Variants in ZNF346 observed in about 807,000 individuals in gnomAD.
The protein encoded by ZNF346 is double-stranded RNA-binding zinc finger protein JAZ.
ZNF346 carries 23 observed loss-of-function variants against 33.7 expected under a neutral mutation model. The observed-to-expected ratio is 0.68, with a 90% CI of 0.49 to 0.97. ZNF346 has a LOEUF of 0.97. Ranked by LOEUF, ZNF346 falls within the 50% of genes least tolerant of loss-of-function variation. The pLI, the probability that ZNF346 is intolerant of heterozygous loss-of-function variation, is 0.00. For missense variants in ZNF346, 340 were observed against 371.1 expected (o/e 0.92, Z 0.69); for synonymous variants, 134 against 142.4 (o/e 0.94, Z 0.42).
chr5:177,080,783 G>A (rs1281752357), exon 9 of ZNF346: 1 of 152,204 alleles, frequency 6.6e-6, no homozygotes, highest in African/African-American at 2.4e-5. Flanking sequence ...ATTCCAGCCT[G>A]AGCGACAGAG....
intron 5 of ZNF346, among the ~76,000 whole-genome samples, chr5:177,061,400 G>A (rs1023899583): frequency 6.6e-5 from 10 of 152,046 alleles, no homozygotes; most frequent in South Asian, 2.1e-4. Flanking sequence ...AGCCAAGATC[G>A]CGCCACTGCA....
At chr5:177,056,140 G>C (rs1315608734) in intron 5 of ZNF346, among the ~76,000 whole-genome samples, 2 of 151,226 alleles carry the variant, frequency 1.3e-5, no homozygotes, top group Non-Finnish European at 2.9e-5. Context: ...AGCTACTCAG[G>C]AGGCTGAGTC....
chr5:177,034,840 T>C (rs1778249883), intron 1 of ZNF346, among the ~76,000 whole-genome samples: 1 of 152,212 alleles, frequency 6.6e-6, no homozygotes, highest in African/African-American at 2.4e-5. Context: ...GCTTCATAGG[T>C]TGAGAGAGAA....
At position 177,077,828 on chromosome 5, in the gene ZNF346, G is replaced by A. The variant is rs1258852423; in HGVS notation, c.*3-1554G>A. Among the ~76,000 whole-genome samples, 1 of 152,134 alleles carries A rather than the reference G, an allele frequency of 6.6e-6. No homozygotes were observed. Among genetic ancestry groups the A allele is most frequent in the Non-Finnish European group, 1.5e-5 (1 of 68,024 alleles). On this transcript the variant is annotated intron_variant, in intron 8 of 8. Transcript: ENST00000503039. The surrounding 1 kb of genome is among the most constrained non-coding windows in gnomAD (Gnocchi z 5.0). ...AAAAGGGTTTTAATGTCCAGTTTAG[G>A]GTGGCCAGGAGGGATCTGAAAGAAA...
At chr5:177,034,030 C>T (rs1281403300) in intron 1 of ZNF346, among the ~76,000 whole-genome samples, 1 of 151,832 alleles carries the variant, frequency 6.6e-6, no homozygotes, top group Non-Finnish European at 1.5e-5. Context: ...AACAAGTGTG[C>T]ACCACCATAC....
chr5:177,023,303 A>G (rs1776159174), intron 1 of ZNF346: 2 of 1,139,468 alleles, frequency 1.8e-6, no homozygotes, highest in African/African-American at 1.5e-5. Flanking sequence ...ATTTCCTCCT[A>G]GGGCCTCTCG....
intron 8 of ZNF346, among the ~76,000 whole-genome samples, chr5:177,074,833 C>T (rs770268644): frequency 4.6e-5 from 7 of 151,888 alleles, no homozygotes; most frequent in African/African-American, 7.3e-5. Context: ...TTTGGGAGGC[C>T]GAGGCGGGCG....
In ZNF346 at chr5:177,023,144, T is replaced by C. The variant is rs576824431; in HGVS notation, c.175+231T>C. 4.6e-6 allele frequency: 7 copies of C among 1,520,978 alleles called. No homozygotes were observed. In the South Asian group the frequency reaches 4.8e-5, roughly 10 times the overall value. 94.2% of individuals were successfully genotyped at this position (1,520,978 alleles called of 1,614,324 possible). A position where few individuals can be genotyped will look rare whatever the true frequency, so the allele number is the denominator to read the frequency against. On this transcript the variant is annotated intron_variant, in intron 1 of 6. Transcript: ENST00000358149. ...GGCCCTGGGTTTTCCTCCTCCTCCT[T>C]CATCATTCACTACAGCGCAGTTTTT...
rs751388311 is a variant in ZNF346 at position 177,050,757 on chromosome 5, A to C, written c.524A>C (p.His175Pro). The change falls in exon 5 of 7, where the codon CAC (histidine) becomes CCC (proline). Residue 175 changes from histidine (H) to proline (P), a missense_variant. Physicochemically the swap from His to Pro is moderately conservative, Grantham distance 77 (BLOSUM62 -2). Coordinates refer to ENST00000358149, the MANE Select transcript of ZNF346 (RefSeq NM_012279.4). The part of the protein sequence containing the change: ...KQQSTKVEAL[H>P]QNREMIDPDK... ...CTTGTGGCCTCCACCTTAGCCTTGCACCAGAATAGAGAGATGATAGACCCA... is the reference window on the plus strand; with the variant it reads ...CTTGTGGCCTCCACCTTAGCCTTGCCCCAGAATAGAGAGATGATAGACCCA... 5.0e-6 allele frequency: 8 copies of C among 1,614,176 alleles called. No homozygotes were observed. The highest frequency in any genetic ancestry group is 6.8e-6 in the Non-Finnish European group (8 of 1,180,036).
intron 8 of ZNF346, among the ~76,000 whole-genome samples, chr5:177,075,374 G>A (rs185792637): frequency 2.0e-5 from 3 of 151,476 alleles, no homozygotes; most frequent in East Asian, 2.0e-4. Context: ...ACTGTACCCC[G>A]GCCTGGGCGA....
chr5:177,044,940 A>G (rs1337823821), intron 4 of ZNF346, among the ~76,000 whole-genome samples: 1 of 152,196 alleles, frequency 6.6e-6, no homozygotes, highest in African/African-American at 2.4e-5. Flanking sequence ...TCACATGCTC[A>G]GGTTATGGCC....
chr5:177,060,848 C>T (rs940903738), intron 5 of ZNF346, among the ~76,000 whole-genome samples: 4 of 151,358 alleles, frequency 2.6e-5, no homozygotes, highest in Admixed American at 1.3e-4. Flanking sequence ...TGGTGGCTTA[C>T]GCCTGTAATC....
intron 2 of ZNF346, 78 bp downstream of exon 2, chr5:177,041,307 TGAAGTG>T: frequency 1.6e-6 from 2 of 1,223,074 alleles, no homozygotes; most frequent in Non-Finnish European, 2.4e-6. Flanking sequence ...GCTTGCATGG[TGAAGTG>T]TAATTGCTGC....
intron 1 of ZNF346, 50 bp downstream of exon 1, chr5:177,022,963 C>T (rs1283689996): frequency 4.2e-6 from 6 of 1,443,110 alleles, no homozygotes; most frequent in African/African-American, 1.4e-5. Context: ...CTGCGCGGCT[C>T]GCGGGGAACT....
At chr5:177,073,054 C>T (rs912738330) in intron 8 of ZNF346, among the ~76,000 whole-genome samples, 2 of 152,202 alleles carry the variant, frequency 1.3e-5, no homozygotes, top group African/African-American at 4.8e-5. Context: ...TTCCCAGATG[C>T]CCTGTGTTCC....
chr5:177,026,167 G>T (rs1776738160), intron 1 of ZNF346, among the ~76,000 whole-genome samples: 1 of 151,566 alleles, frequency 6.6e-6, no homozygotes, highest in South Asian at 2.1e-4. Context: ...ACCACATCTG[G>T]CTAATTTTTG....
chr5:177,074,133 G>T (rs1320886304), intron 8 of ZNF346, among the ~76,000 whole-genome samples: 2 of 152,170 alleles, frequency 1.3e-5, no homozygotes, highest in Non-Finnish European at 2.9e-5. Context: ...AGAATTGTGA[G>T]AAATAATACA....
At chr5:177,062,255 T>G in intron 6 of ZNF346, 104 bp downstream of exon 6, 1 of 901,208 alleles carries the variant, frequency 1.1e-6, no homozygotes, top group Non-Finnish European at 1.8e-6. Flanking sequence ...ATCCTGGCAG[T>G]CTTTTTTCAG....
intron 4 of ZNF346, among the ~76,000 whole-genome samples, chr5:177,050,028 G>C (rs1242736970): frequency 1.3e-5 from 2 of 152,130 alleles, no homozygotes; most frequent in East Asian, 3.9e-4. Flanking sequence ...GGAGAGACAG[G>C]GTTTCACCAT....
Sources: gnomAD v4.1 joint callset for allele counts (sites outside exome capture counted in the v4.1 genomes callset) on GRCh38, gnomAD v4.1.1 for gene constraint, Gnocchi (gnomAD v3.1) non-coding constraint, MANE v1.5 for transcripts, NCBI Gene and HGNC (gene_info 2026-07-23, HGNC 2026-07-21) for gene names.